Variants in ITGA1 observed in about 807,000 individuals in gnomAD.
ITGA1 encodes the protein integrin subunit alpha 1, also known as integrin alpha-1.
ITGA1 carries 85 observed loss-of-function variants against 145.9 expected under a neutral mutation model. That is an observed-to-expected ratio of 0.58 (90% confidence interval 0.49 to 0.70). ITGA1 has a LOEUF of 0.70. Ranked by LOEUF, ITGA1 falls within the 30% of genes least tolerant of loss-of-function variation. The probability of loss-of-function intolerance (pLI) is 0.00; values close to 1 mark genes in which losing one functional copy is unlikely to be tolerated. For missense variants in ITGA1, 1,351 were observed against 1,418.7 expected (o/e 0.95, Z 0.77); for synonymous variants, 520 against 495.3 (o/e 1.05, Z -0.66).
chr5:52,834,050 C>A (rs1344353599), intron 1 of ITGA1, among the ~76,000 whole-genome samples: 2 of 152,130 alleles, frequency 1.3e-5, no homozygotes, highest in Non-Finnish European at 2.9e-5. Flanking sequence ...CAATATAGAA[C>A]AATGTACAAT....
At chr5:52,834,962 G>T (rs1401844313) in intron 1 of ITGA1, among the ~76,000 whole-genome samples, 1 of 152,138 alleles carries the variant, frequency 6.6e-6, no homozygotes, top group South Asian at 2.1e-4. Context: ...GAAGGACAAA[G>T]AAGAAAGGTA....
rs779390230 is a variant in ITGA1, at chr5:52,920,397, C to T, written c.2221C>T (p.Gln741Ter). Reference protein sequence around the residue: ...QISRSFFSGTQERKVQRNITV... With the variant: ...QISRSFFSGT ...ATCACGAAGTTTTTTCTCTGGAACT[C>T]AAGAGAGAAAGGTTCAAAGGAACAT... Residue 741 changes from glutamine (Q) to a stop codon, truncating the protein, a stop_gained, in exon 17 of 29, where the codon CAA becomes TAA. Coordinates refer to ENST00000282588, the MANE Select transcript of ITGA1 (RefSeq NM_181501.2). LOFTEE classifies it high-confidence loss of function. 2 of 1,612,130 alleles carry T rather than the reference C, an allele frequency of 1.2e-6. No homozygotes were observed. Among genetic ancestry groups the T allele is most frequent in the Non-Finnish European group, 1.7e-6 (2 of 1,178,962 alleles).
At chr5:52,839,204 T>C (rs1046852172) in intron 1 of ITGA1, among the ~76,000 whole-genome samples, 1 of 152,242 alleles carries the variant, frequency 6.6e-6, no homozygotes, top group African/African-American at 2.4e-5. Context: ...TTATATGTTA[T>C]ATGTTATAGG....
chr5:52,818,416 G>A (rs1380833975), intron 1 of ITGA1, among the ~76,000 whole-genome samples: 4 of 152,096 alleles, frequency 2.6e-5, no homozygotes, highest in African/African-American at 9.7e-5. Flanking sequence ...TACACAAATG[G>A]CCAAGACAGG....
intron 7 of ITGA1, among the ~76,000 whole-genome samples, chr5:52,885,689 G>A (rs1750035113): frequency 6.6e-6 from 1 of 152,218 alleles, no homozygotes; most frequent in Non-Finnish European, 1.5e-5. Flanking sequence ...TTAGCAGTGT[G>A]AGCAATGGGC....
At chr5:52,908,839 C>A in intron 12 of ITGA1, 59 bp from the exon 13 acceptor site, 1 of 1,577,224 alleles carries the variant, frequency 6.3e-7, no homozygotes, top group Non-Finnish European at 8.7e-7. Context: ...ATGTAGATTT[C>A]AGTTTCCTTG....
rs750806545 is a variant in ITGA1 at position 52,800,461 on chromosome 5, C to G, written c.61+12047C>G. On this transcript the variant is annotated intron_variant, in intron 1 of 28. Coordinates refer to ENST00000282588, the MANE Select transcript of ITGA1 (RefSeq NM_181501.2). ...CCAGGTGACCCTGGTCCCCGAGGAGCCTGAGGACATGTGGCACACTTACAA... is the reference window on the plus strand; with the variant it reads ...CCAGGTGACCCTGGTCCCCGAGGAGGCTGAGGACATGTGGCACACTTACAA... 4 of 1,614,034 alleles carry G rather than the reference C, an allele frequency of 2.5e-6. No homozygotes were observed. In the Admixed American group the frequency reaches 5.0e-5, roughly 20 times the overall value.
chr5:52,850,159 G>A (rs950061146), intron 2 of ITGA1, among the ~76,000 whole-genome samples: 1 of 151,796 alleles, frequency 6.6e-6, no homozygotes, highest in East Asian at 1.9e-4. Flanking sequence ...GTACCACCAT[G>A]CCCGGCTAAT....
At chr5:52,912,309 C>T (rs986462648) in intron 14 of ITGA1, among the ~76,000 whole-genome samples, 10 of 141,304 alleles carry the variant, frequency 7.1e-5, no homozygotes, top group African/African-American at 2.6e-4. Context: ...TATATATCTA[C>T]TATATACTAT....
chr5:52,941,362 CT>C, intron 26 of ITGA1, among the ~76,000 whole-genome samples: 1 of 152,342 alleles, frequency 6.6e-6, no homozygotes, highest in East Asian at 1.9e-4. Context: ...CTGCTTTCCA[CT>C]GGCTGAACTA....
At position 52,915,451 on chromosome 5, in the gene ITGA1, T is replaced by G; in HGVS notation, c.1858-13T>G. 1 of 1,611,640 alleles carries G rather than the reference T, an allele frequency of 6.2e-7. No homozygotes were observed. Among genetic ancestry groups the G allele is most frequent in the Non-Finnish European group, 8.5e-7 (1 of 1,179,258 alleles). ...TCTTCTCATATGAAACTCTTTTTTT[T>G]GGATTCTCACAGCGTATTCCATCAG... On this transcript the variant is annotated splice_polypyrimidine_tract_variant and intron_variant, in intron 14 of 28. Transcript: ENST00000282588.
chr5:52,888,017 G>T, intron 8 of ITGA1, 52 bp downstream of exon 8: 1 of 1,542,520 alleles, frequency 6.5e-7, no homozygotes, highest in African/African-American at 1.4e-5. Flanking sequence ...GAGAAGAGCT[G>T]TGTGCATATT....
chr5:52,853,946 C>T (rs529283959), intron 2 of ITGA1, among the ~76,000 whole-genome samples: 1 of 152,250 alleles, frequency 6.6e-6, no homozygotes, highest in South Asian at 2.1e-4. Flanking sequence ...AGGTCTCAGC[C>T]GAACGGGAAA....
intron 1 of ITGA1, among the ~76,000 whole-genome samples, chr5:52,813,762 C>G (rs1580041806): frequency 6.6e-6 from 1 of 152,334 alleles, no homozygotes; most frequent in African/African-American, 2.4e-5. Flanking sequence ...GCCTACATCT[C>G]CTCCTCTCAT....
intron 1 of ITGA1, among the ~76,000 whole-genome samples, chr5:52,808,540 C>T (rs1481090248): frequency 1.3e-5 from 2 of 152,124 alleles, no homozygotes; most frequent in African/African-American, 4.8e-5. Context: ...TGAAAAATTG[C>T]TCTGTGGATA....
chr5:52,811,165 G>A (rs933670602), intron 1 of ITGA1, among the ~76,000 whole-genome samples: 2 of 152,176 alleles, frequency 1.3e-5, no homozygotes, highest in Non-Finnish European at 2.9e-5. Flanking sequence ...GAATAACCAA[G>A]TATGATACAA....
At chr5:52,952,206 A>C (rs560009226) in intron 28 of ITGA1, among the ~76,000 whole-genome samples, 2 of 151,496 alleles carry the variant, frequency 1.3e-5, no homozygotes, top group Non-Finnish European at 2.9e-5. Context: ...AAAGAAAAGA[A>C]AAAAAAAGAA....
Position 52,927,674 on chromosome 5 carries a change from T to A in ITGA1, c.2694+10T>A. 1 of 1,524,526 alleles carries A rather than the reference T, an allele frequency of 6.6e-7. No individual in the cohort carries two copies. The allele number at this position is 1,524,526 out of a possible 1,614,324, so 94.4% of individuals were successfully genotyped here. ...GAGAAGAGGAGAGATGGTGAGCAGA[T>A]CATACAAAATACATGTAGAAATTGA... On this transcript the variant is annotated intron_variant, in intron 20 of 28. Coordinates refer to ENST00000282588, the MANE Select transcript of ITGA1 (RefSeq NM_181501.2).
Position 52,930,549 on chromosome 5 carries a change from T to A in ITGA1, c.2771+848T>A, listed in dbSNP as rs190618593. ...CCTGGGATAGAATAAAAACACTCCA[T>A]TATAGAGATAGAAAGCTTTGTCAGA... On this transcript the variant is annotated intron_variant, in intron 21 of 28. Coordinates refer to ENST00000282588, the MANE Select transcript of ITGA1 (RefSeq NM_181501.2). 5.5e-3 allele frequency among the ~76,000 whole-genome samples: 841 copies of A among 152,138 alleles called. 4 individuals carry two copies. Among genetic ancestry groups the A allele is most frequent in the Non-Finnish European group, 9.0e-3 (610 of 67,960 alleles).
Sources: gnomAD v4.1 joint callset for allele counts (sites outside exome capture counted in the v4.1 genomes callset) on GRCh38, gnomAD v4.1.1 for gene constraint, MANE v1.5 for transcripts, NCBI Gene and HGNC (gene_info 2026-07-23, HGNC 2026-07-21) for gene names.